C8orf34: variants seen among roughly 807,000 people sequenced by gnomAD.
The protein encoded by C8orf34 is chromosome 8 open reading frame 34, also known as uncharacterized protein C8orf34.
A neutral mutation model predicts 68.3 loss-of-function variants in C8orf34; 65 were observed. The observed-to-expected ratio is 0.95, with a 90% CI of 0.78 to 1.17. C8orf34 has a LOEUF of 1.17. Among genes scored for constraint, C8orf34 ranks in the 50% most tolerant of loss-of-function variants. The probability of loss-of-function intolerance (pLI) is 0.00; values close to 1 mark genes in which losing one functional copy is unlikely to be tolerated. For missense variants in C8orf34, 664 were observed against 655.4 expected, an observed-to-expected ratio of 1.01 and a Z score of -0.14; for synonymous variants, 244 against 241.2, an observed-to-expected ratio of 1.01 and a Z score of -0.11.
At chr8:68,335,195 G>A (rs566589668) in intron 1 of C8orf34, among the ~76,000 whole-genome samples, 6 of 152,200 alleles carry the variant, frequency 3.9e-5, no homozygotes, top group South Asian at 2.1e-4. Flanking sequence ...GGGATAAGAA[G>A]GATACTAGTT....
At chr8:68,715,218 A>T (rs1821436393) in intron 9 of C8orf34, among the ~76,000 whole-genome samples, 1 of 152,300 alleles carries the variant, frequency 6.6e-6, no homozygotes, top group Non-Finnish European at 1.5e-5. Flanking sequence ...TAGCTTAAAG[A>T]CGTCATGACC....
chr8:68,651,319 G>A (rs540462970), intron 8 of C8orf34, among the ~76,000 whole-genome samples: 2 of 152,308 alleles, frequency 1.3e-5, no homozygotes, highest in Admixed American at 1.3e-4. Flanking sequence ...TATGAATCCT[G>A]CAGTCTGTAC....
rs149374902 is a variant in C8orf34 at position 68,728,153 on chromosome 8, T to C, written c.1404+6716T>C. Among the ~76,000 whole-genome samples the C allele has an allele frequency of 5.6e-3, 856 of 152,242 alleles. 8 individuals are homozygous for C. Among genetic ancestry groups the C allele is most frequent in the African/African-American group, 0.019 (810 of 41,552 alleles). ...AATTTCCTCCTCCAGATACCCTAAA[T>C]AGTCTCTCTCAAGTTCAAAGTACCA... On this transcript the variant is annotated intron_variant, in intron 10 of 13. Coordinates refer to ENST00000518698, the MANE Select transcript of C8orf34 (RefSeq NM_052958.4).
At chr8:68,604,942 T>C (rs1817811184) in intron 7 of C8orf34, among the ~76,000 whole-genome samples, 1 of 152,094 alleles carries the variant, frequency 6.6e-6, no homozygotes, top group Non-Finnish European at 1.5e-5. Context: ...GGTAAAAATA[T>C]TTGCAAAAGG....
chr8:68,749,926 C>T (rs1822652548), intron 10 of C8orf34, among the ~76,000 whole-genome samples: 1 of 152,216 alleles, frequency 6.6e-6, no homozygotes, highest in African/African-American at 2.4e-5. Context: ...AATAGTGTGG[C>T]TATAAAGATT....
intron 12 of C8orf34, among the ~76,000 whole-genome samples, chr8:68,793,064 T>C (rs1034522222): frequency 2.0e-5 from 3 of 152,088 alleles, no homozygotes; most frequent in African/African-American, 4.8e-5. Context: ...TAGTGAAAGA[T>C]ACAGTGACTA....
At chr8:68,701,650 A>G (rs1271324276) in intron 8 of C8orf34, among the ~76,000 whole-genome samples, 2 of 151,990 alleles carry the variant, frequency 1.3e-5, no homozygotes, top group African/African-American at 4.8e-5. Context: ...CCTGGATCCT[A>G]TGCTTGCTCC....
chr8:68,717,967 C>G (rs1477398369), intron 9 of C8orf34, among the ~76,000 whole-genome samples: 2 of 152,178 alleles, frequency 1.3e-5, no homozygotes, highest in African/African-American at 4.8e-5. Flanking sequence ...TTCGTTGACA[C>G]TCGCATAGTT....
At chr8:68,544,183 T>C (rs1363624338) in intron 7 of C8orf34, among the ~76,000 whole-genome samples, 1 of 152,146 alleles carries the variant, frequency 6.6e-6, no homozygotes, top group East Asian at 1.9e-4. Flanking sequence ...ACTGGGATGC[T>C]CTTACAAGAG....
At chr8:68,414,219 A>G (rs1250279888) in intron 1 of C8orf34, among the ~76,000 whole-genome samples, 1 of 152,116 alleles carries the variant, frequency 6.6e-6, no homozygotes, top group Non-Finnish European at 1.5e-5. Flanking sequence ...TGCTTTCCAG[A>G]ATATGTATTT....
intron 10 of C8orf34, among the ~76,000 whole-genome samples, chr8:68,762,239 A>G (rs1302647006): frequency 6.6e-6 from 1 of 152,202 alleles, no homozygotes; most frequent in Non-Finnish European, 1.5e-5. Context: ...GAAAACTCCC[A>G]AGAGACTTGT....
intron 1 of C8orf34, among the ~76,000 whole-genome samples, chr8:68,385,483 T>C (rs1808223016): frequency 6.6e-6 from 1 of 152,226 alleles, no homozygotes; most frequent in Non-Finnish European, 1.5e-5. Context: ...AATAAAATTA[T>C]ACAATTTGTG....
chr8:68,655,730 T>TA (rs1205104531), intron 8 of C8orf34, among the ~76,000 whole-genome samples: 1 of 152,126 alleles, frequency 6.6e-6, no homozygotes, highest in Non-Finnish European at 1.5e-5. Context: ...GGTTAATAGG[T>TA]ATGTAACCCC....
intron 12 of C8orf34, among the ~76,000 whole-genome samples, chr8:68,811,248 G>C (rs1166408636): frequency 1.3e-5 from 2 of 152,226 alleles, no homozygotes; most frequent in Admixed American, 1.3e-4. Context: ...GGTTGTGACA[G>C]TGCCTGAACT....
At chr8:68,705,729 G>C (rs975633647) in intron 8 of C8orf34, among the ~76,000 whole-genome samples, 6 of 151,866 alleles carry the variant, frequency 4.0e-5, no homozygotes, top group African/African-American at 1.2e-4. Flanking sequence ...TTTAATTTTT[G>C]TGGGTTTTTT....
intron 1 of C8orf34, among the ~76,000 whole-genome samples, chr8:68,401,861 T>TTGTGTG (rs34713905): frequency 0.021 from 3,065 of 149,040 alleles, 38 homozygotes; most frequent in African/African-American, 0.033. Context: ...CAGTTCTCTT[T>TTGTGTG]TGTGTGTGTG....
chr8:68,709,239 T>C (rs958969770), intron 9 of C8orf34, among the ~76,000 whole-genome samples, 160 bp downstream of exon 9: 8 of 152,162 alleles, frequency 5.3e-5, no homozygotes, highest in Non-Finnish European at 8.8e-5. Context: ...GCTGTTTGTG[T>C]CAGGATAAGA....
intron 1 of C8orf34, among the ~76,000 whole-genome samples, chr8:68,400,270 G>C (rs181990963): frequency 6.0e-4 from 92 of 152,160 alleles, no homozygotes; most frequent in African/African-American, 2.1e-3. Context: ...GTTTTCCCTA[G>C]GCTTTCTTTT....
chr8:68,436,213 C>CA (rs373521761), intron 1 of C8orf34, among the ~76,000 whole-genome samples: 11 of 151,378 alleles, frequency 7.3e-5, no homozygotes, highest in East Asian at 1.9e-4. Context: ...GACTCCCTAT[C>CA]AAAAAAAAGA....
Sources: gnomAD v4.1 joint callset for allele counts (sites outside exome capture counted in the v4.1 genomes callset) on GRCh38, gnomAD v4.1.1 for gene constraint, MANE v1.5 for transcripts, NCBI Gene and HGNC (gene_info 2026-07-23, HGNC 2026-07-21) for gene names.